ASIC2: variants seen among roughly 807,000 people sequenced by gnomAD.
ASIC2 encodes the protein acid sensing ion channel subunit 2, also known as acid-sensing ion channel 2.
A neutral mutation model predicts 57.3 loss-of-function variants in ASIC2; 25 were observed. That is an observed-to-expected ratio of 0.44 (90% CI 0.32 to 0.61). ASIC2 has a LOEUF of 0.61. ASIC2 is among the 20% of genes least tolerant of loss of function. The pLI, the probability that ASIC2 is intolerant of heterozygous loss-of-function variation, is 0.06. For missense variants in ASIC2, 641 were observed against 738.1 expected (o/e 0.87, Z 1.52); for synonymous variants, 319 against 307.5 (o/e 1.04, Z -0.39).
intron 1 of ASIC2, among the ~76,000 whole-genome samples, chr17:33,545,277 G>T (rs755652231): frequency 3.6e-4 from 55 of 152,262 alleles, no homozygotes; most frequent in Non-Finnish European, 6.5e-4. Flanking sequence ...CCCAGCTGAA[G>T]TTTTGACAAC....
In ASIC2 at chr17:33,478,324, G is replaced by T. The variant is rs1913295256; in HGVS notation, c.556-366257C>A. Among the ~76,000 whole-genome samples the T allele has an allele frequency of 2.6e-5, 4 of 152,200 alleles. No homozygotes were observed. The South Asian group carries it at 8.3e-4, about 32-fold the overall frequency. On this transcript the variant is annotated intron_variant, in intron 1 of 9. Transcript: ENST00000359872. ...CTAGGGGGCTTAAGGGGCATCTGGG[G>T]AATCCAAGTTTAACTTCCCTTTATT... is the stretch of plus-strand genomic sequence containing the variant.
At chr17:33,926,294 G>C (rs991615542) in intron 1 of ASIC2, among the ~76,000 whole-genome samples, 1 of 152,118 alleles carries the variant, frequency 6.6e-6, no homozygotes. Flanking sequence ...AAGTATTACA[G>C]GTTAAGTCTC....
intron 1 of ASIC2, among the ~76,000 whole-genome samples, chr17:33,306,494 A>G (rs1288017048): frequency 2.0e-5 from 3 of 152,246 alleles, no homozygotes; most frequent in African/African-American, 7.2e-5. Flanking sequence ...TTGGTCATGA[A>G]TTTGAAGTCT....
intron 1 of ASIC2, among the ~76,000 whole-genome samples, chr17:33,597,280 T>C (rs943187124): frequency 1.3e-5 from 2 of 152,166 alleles, no homozygotes; most frequent in African/African-American, 4.8e-5. Flanking sequence ...GGAGACATGA[T>C]GGCTGGCTGG....
intron 1 of ASIC2, among the ~76,000 whole-genome samples, chr17:33,374,677 A>G (rs988766221): frequency 1.3e-5 from 2 of 152,218 alleles, no homozygotes; most frequent in African/African-American, 4.8e-5. Context: ...TTCTCTCAGC[A>G]TAGTAGTAGA....
intron 1 of ASIC2, among the ~76,000 whole-genome samples, chr17:33,267,899 T>C (rs1909529531): frequency 6.6e-6 from 1 of 152,172 alleles, no homozygotes; most frequent in African/African-American, 2.4e-5. Flanking sequence ...ATGTGGGTGG[T>C]GGTTGGGTTC....
At chr17:33,758,537 C>T (rs1910682421) in intron 1 of ASIC2, among the ~76,000 whole-genome samples, 1 of 152,128 alleles carries the variant, frequency 6.6e-6, no homozygotes, top group African/African-American at 2.4e-5. Flanking sequence ...TGGTAGAATA[C>T]ATTAAGAGGT....
At chr17:34,028,939 C>G (rs78274431) in intron 1 of ASIC2, among the ~76,000 whole-genome samples, 2,028 of 152,244 alleles carry the variant, frequency 0.013, 46 homozygotes, top group East Asian at 0.06. Flanking sequence ...TCTCTCTTAC[C>G]CCAGGGACTT....
At chr17:33,608,501 T>C (rs1307113857) in intron 1 of ASIC2, among the ~76,000 whole-genome samples, 1 of 152,150 alleles carries the variant, frequency 6.6e-6, no homozygotes, top group African/African-American at 2.4e-5. Context: ...TCTGGCCACT[T>C]GACTGCCCTG....
chr17:34,131,323 A>T (rs1467397057), intron 1 of ASIC2, among the ~76,000 whole-genome samples: 2 of 152,134 alleles, frequency 1.3e-5, no homozygotes, highest in African/African-American at 4.8e-5. Flanking sequence ...GGAGCTGGGG[A>T]GGAATCAATT....
intron 1 of ASIC2, among the ~76,000 whole-genome samples, chr17:33,141,975 A>G (rs1424828008): frequency 6.6e-6 from 1 of 152,218 alleles, no homozygotes; most frequent in Non-Finnish European, 1.5e-5. Context: ...ACAAAATGAA[A>G]TCGTATCTAT....
At chr17:33,047,393 C>T (rs563196614) in intron 3 of ASIC2, among the ~76,000 whole-genome samples, 1 of 152,140 alleles carries the variant, frequency 6.6e-6, no homozygotes, top group South Asian at 2.1e-4. Flanking sequence ...GGCTGTAGTG[C>T]AGCAGCACCA....
chr17:34,125,771 C>T (rs1327370635), intron 1 of ASIC2, among the ~76,000 whole-genome samples: 1 of 152,180 alleles, frequency 6.6e-6, no homozygotes, highest in East Asian at 1.9e-4. Context: ...GTTCTCATGC[C>T]TAGATGTCTC....
At chr17:33,058,568 A>G (rs981175911) in intron 3 of ASIC2, among the ~76,000 whole-genome samples, 1 of 151,886 alleles carries the variant, frequency 6.6e-6, no homozygotes, top group African/African-American at 2.4e-5. Context: ...AGCTCAGCTC[A>G]TAATACAATT....
intron 1 of ASIC2, among the ~76,000 whole-genome samples, chr17:33,159,547 G>T (rs1419896192): frequency 6.6e-6 from 1 of 152,100 alleles, no homozygotes; most frequent in Non-Finnish European, 1.5e-5. Context: ...CTAAAATCTA[G>T]TCCTCCTAGT....
chr17:33,777,965 G>A lies in ASIC2; in HGVS notation c.555+378013C>T, dbSNP rs746529525. Among the ~76,000 whole-genome samples the A allele has an allele frequency of 9.2e-5, 14 of 152,158 alleles. No individual in the cohort carries two copies. In the South Asian group the frequency reaches 2.7e-3, roughly 29 times the overall value. On this transcript the variant is annotated intron_variant, in intron 1 of 9. Coordinates refer to the ASIC2 transcript ENST00000359872. The stretch of plus-strand genomic sequence containing the variant: ...CTGACTCTCATTTCCTTATTTCCAC[G>A]ATGGGCTGTGTGTCAATGTGGCCCT...
chr17:33,873,548 C>G (rs769945703), intron 1 of ASIC2, among the ~76,000 whole-genome samples: 7 of 152,132 alleles, frequency 4.6e-5, no homozygotes, highest in Admixed American at 1.3e-4. Context: ...TACTGTGTGA[C>G]CTTGTATAGG....
intron 1 of ASIC2, among the ~76,000 whole-genome samples, chr17:33,961,801 G>A (rs568741798): frequency 3.9e-5 from 6 of 152,254 alleles, no homozygotes; most frequent in African/African-American, 1.4e-4. Flanking sequence ...AGGCAGGAAG[G>A]TGTCAAGGAA....
At chr17:34,062,862 T>C (rs1329220843) in intron 1 of ASIC2, among the ~76,000 whole-genome samples, 2 of 152,070 alleles carry the variant, frequency 1.3e-5, no homozygotes, top group African/African-American at 2.4e-5. Flanking sequence ...AGCAGTGAGA[T>C]TGAAGTGGTA....
Sources: gnomAD v4.1 joint callset for allele counts (sites outside exome capture counted in the v4.1 genomes callset) on GRCh38, gnomAD v4.1.1 for gene constraint, MANE v1.5 for transcripts, NCBI Gene and HGNC (gene_info 2026-07-23, HGNC 2026-07-21) for gene names.